Variants in CMSS1 observed in about 807,000 individuals in gnomAD.
The protein encoded by CMSS1 is protein CMSS1.
A neutral mutation model predicts 43.5 loss-of-function variants in CMSS1; 33 were observed. That is an observed-to-expected ratio of 0.76 (90% CI 0.57 to 1.01). CMSS1 has a LOEUF of 1.01. Among genes scored for constraint, CMSS1 ranks in the 50% least tolerant of loss-of-function variants. CMSS1 has a pLI of 0.00. For missense variants in CMSS1, 313 were observed against 326.4 expected (o/e 0.96, Z 0.32); for synonymous variants, 115 against 117.2 (o/e 0.98, Z 0.12).
At chr3:100,128,540 A>G (rs1022916085) in intron 1 of CMSS1, among the ~76,000 whole-genome samples, 1 of 152,204 alleles carries the variant, frequency 6.6e-6, no homozygotes, top group Non-Finnish European at 1.5e-5. Context: ...TATAATTTAC[A>G]TTTATTGAGG....
chr3:99,876,334 C>T lies in CMSS1; in HGVS notation c.64+58291C>T, dbSNP rs1243711611. The T allele has an allele frequency of 1.7e-5, 8 of 473,330 alleles. No individual in the cohort carries two copies. In the South Asian group the frequency reaches 4.5e-4, roughly 26 times the overall value. 29.3% of individuals were successfully genotyped at this position (473,330 alleles called of 1,614,324 possible). On this transcript the variant is annotated intron_variant, in intron 1 of 9. Transcript: ENST00000421999. ...CACACCCCAGCTCCCGCGGATGTTC[C>T]GGCCGTGTGAACGGACCGTGGTTCC...
At chr3:99,873,453 AAC>A (rs1559670510) in intron 1 of CMSS1, among the ~76,000 whole-genome samples, 1 of 152,162 alleles carries the variant, frequency 6.6e-6, no homozygotes, top group African/African-American at 2.4e-5. Flanking sequence ...GTCTTTTATA[AAC>A]AGTTCTCTTC....
Position 100,059,488 on chromosome 3 carries a change from A to C in CMSS1, c.65-87485A>C, listed in dbSNP as rs563608522. 9.1e-4 allele frequency among the ~76,000 whole-genome samples: 139 copies of C among 152,136 alleles called. 1 individual carries two copies. The highest frequency in any genetic ancestry group is 6.2e-3 in the South Asian group (30 of 4,816). On this transcript the variant is annotated intron_variant, in intron 1 of 9. Transcript: ENST00000421999. ...GCATTTTTTTTTAGCACCTGTTATTAAATAATGGTGTGCTAGGCCCTGAGG... is the reference window on the plus strand; with the variant it reads ...GCATTTTTTTTTAGCACCTGTTATTCAATAATGGTGTGCTAGGCCCTGAGG...
chr3:100,012,256 T>A (rs1363269435), intron 1 of CMSS1, among the ~76,000 whole-genome samples: 2 of 152,214 alleles, frequency 1.3e-5, no homozygotes, highest in African/African-American at 4.8e-5. Context: ...AGAAGATTGG[T>A]AGAATTATTA....
At chr3:100,003,517 G>A (rs1440543147) in intron 1 of CMSS1, among the ~76,000 whole-genome samples, 1 of 152,216 alleles carries the variant, frequency 6.6e-6, no homozygotes, top group Non-Finnish European at 1.5e-5. Context: ...ACCCTGTGAA[G>A]TATCCATTTT....
chr3:99,984,048 A>ATGTGTGTGTGTGTGTGTGTG (rs367846393), intron 1 of CMSS1, among the ~76,000 whole-genome samples: 24,410 of 147,356 alleles, frequency 0.17, 2,106 homozygotes, highest in African/African-American at 0.19. Context: ...AAGGATGTAT[A>ATGTGTGTGTGTGTGTGTGTG]TGTATGTGTG....
At chr3:99,996,697 G>GA (rs1205235956) in intron 1 of CMSS1, among the ~76,000 whole-genome samples, 1 of 152,120 alleles carries the variant, frequency 6.6e-6, no homozygotes, top group Admixed American at 6.5e-5. Context: ...GGTGGCAAGA[G>GA]AAAATGAGGA....
chr3:99,831,991 C>T (rs1942684209), intron 1 of CMSS1, among the ~76,000 whole-genome samples: 1 of 152,142 alleles, frequency 6.6e-6, no homozygotes, highest in Non-Finnish European at 1.5e-5. Flanking sequence ...ATTGGTGGAG[C>T]TCGTTTCTTT....
At chr3:99,981,620 G>A (rs1015100695) in intron 1 of CMSS1, among the ~76,000 whole-genome samples, 1 of 152,070 alleles carries the variant, frequency 6.6e-6, no homozygotes, top group African/African-American at 2.4e-5. Context: ...ATGAATCCCC[G>A]TTTTGCAAGT....
At chr3:99,912,070 A>T (rs1179048588) in intron 1 of CMSS1, among the ~76,000 whole-genome samples, 3 of 152,188 alleles carry the variant, frequency 2.0e-5, no homozygotes, top group Non-Finnish European at 4.4e-5. Context: ...AGAAATCTAC[A>T]TTATCATCAA....
intron 1 of CMSS1, among the ~76,000 whole-genome samples, chr3:100,004,495 A>G (rs1709933359): frequency 6.6e-6 from 1 of 152,204 alleles, no homozygotes; most frequent in Admixed American, 6.5e-5. Context: ...AGTGGTGGAG[A>G]AAAAGGATTA....
intron 1 of CMSS1, among the ~76,000 whole-genome samples, chr3:100,000,016 C>T (rs2107161087): frequency 6.6e-6 from 1 of 152,294 alleles, no homozygotes; most frequent in African/African-American, 2.4e-5. Context: ...TACCAGACTC[C>T]ACCTCCAGAG....
At chr3:100,010,742 G>A (rs1245451369) in intron 1 of CMSS1, among the ~76,000 whole-genome samples, 2 of 148,642 alleles carry the variant, frequency 1.3e-5, no homozygotes, top group African/African-American at 5.0e-5. Flanking sequence ...AGCCTCCTGA[G>A]TAGCTGGGAT....
chr3:99,875,457 A>G (rs1313358389), intron 1 of CMSS1, among the ~76,000 whole-genome samples: 1 of 152,234 alleles, frequency 6.6e-6, no homozygotes, highest in East Asian at 1.9e-4. Flanking sequence ...TGAAGCAGAA[A>G]GTTAGAACTC....
At chr3:100,131,387 A>T (rs2066706895) in intron 1 of CMSS1, among the ~76,000 whole-genome samples, 1 of 152,202 alleles carries the variant, frequency 6.6e-6, no homozygotes, top group Non-Finnish European at 1.5e-5. Flanking sequence ...CACTCATCTG[A>T]GTGTTTCTCC....
intron 1 of CMSS1, among the ~76,000 whole-genome samples, chr3:100,045,818 C>CT (rs2065270366): frequency 6.6e-6 from 1 of 152,222 alleles, no homozygotes; most frequent in Non-Finnish European, 1.5e-5. Flanking sequence ...GCAAGGCCTT[C>CT]TGGGCTTCTT....
intron 1 of CMSS1, among the ~76,000 whole-genome samples, chr3:99,892,039 T>A (rs892800928): frequency 5.3e-5 from 8 of 152,202 alleles, no homozygotes; most frequent in African/African-American, 1.9e-4. Context: ...GCAAACACAT[T>A]AGTCAGAGCC....
chr3:99,989,533 T>C (rs1709450152), intron 1 of CMSS1, among the ~76,000 whole-genome samples: 1 of 152,230 alleles, frequency 6.6e-6, no homozygotes, highest in African/African-American at 2.4e-5. Flanking sequence ...GACATTGTTA[T>C]CTTAGTCCTC....
intron 1 of CMSS1, among the ~76,000 whole-genome samples, chr3:99,888,816 ACT>A (rs1228217079): frequency 2.6e-5 from 4 of 152,082 alleles, no homozygotes; most frequent in Non-Finnish European, 1.5e-5. Context: ...CAAAAAAATA[ACT>A]CTGCTAAGAA....
Sources: allele counts gnomAD v4.1 joint callset (sites outside exome capture counted in the v4.1 genomes callset), GRCh38; gene constraint gnomAD v4.1.1; transcripts MANE v1.5; gene names NCBI Gene and HGNC (gene_info 2026-07-23, HGNC 2026-07-21).